Variants in ZAP70 observed in about 807,000 individuals in gnomAD.
The protein encoded by ZAP70 is zeta chain of T cell receptor associated protein kinase 70.
A neutral mutation model predicts 65.8 loss-of-function variants in ZAP70; 27 were observed. The ratio of observed to expected loss-of-function variants is 0.41; its 90% CI spans 0.30 to 0.57. ZAP70 has a LOEUF of 0.57. Ranked by LOEUF, ZAP70 falls within the 20% of genes least tolerant of loss-of-function variation. ZAP70 has a pLI of 0.28. For synonymous variants in ZAP70, 363 were observed against 360.8 expected, an observed-to-expected ratio of 1.01 and a Z score of -0.07; for missense variants, 696 against 870.5, an observed-to-expected ratio of 0.80 and a Z score of 2.52.
chr2:97,741,434 C>T (rs1379032240), downstream of ZAP70, among the ~76,000 whole-genome samples: 1 of 152,008 alleles, frequency 6.6e-6, no homozygotes, highest in East Asian at 1.9e-4. Flanking sequence ...GCTCCCCGTC[C>T]CCCGGGGTGA....
chr2:97,753,992 A>G, the ZAP70 span, among the ~76,000 whole-genome samples: 3 of 151,994 alleles, frequency 2.0e-5, no homozygotes, highest in Non-Finnish European at 4.4e-5. Flanking sequence ...CCAGTCTCAA[A>G]ATAAATAAAG....
chr2:97,740,047 G>A (rs1422065779), downstream of ZAP70, among the ~76,000 whole-genome samples: 1 of 152,136 alleles, frequency 6.6e-6, no homozygotes, highest in Non-Finnish European at 1.5e-5. Context: ...GGTGGAGTGG[G>A]GAACCTGAGG....
rs1251638648 is a variant in ZAP70 at position 97,736,552 on chromosome 2, T to A, written c.1290-921T>A. 1.3e-5 allele frequency among the ~76,000 whole-genome samples: 2 copies of A among 152,230 alleles called. No individual in the cohort carries two copies. Among genetic ancestry groups the A allele is most frequent in the South Asian group, 4.1e-4 (2 of 4,834 alleles). ...CTGGTTGGAGAAGAGAGACAGTAAG[T>A]AACAATCCTGATGAAATCTAGAGCA... is the stretch of plus-strand genomic sequence containing the variant. On this transcript the variant is annotated intron_variant, in intron 10 of 13. Transcript: ENST00000264972. The surrounding 1 kb of genome is among the most constrained non-coding windows in gnomAD (Gnocchi z 4.0).
chr2:97,728,462 G>A (rs1677476730), intron 4 of ZAP70, among the ~76,000 whole-genome samples: 1 of 152,228 alleles, frequency 6.6e-6, no homozygotes, highest in Admixed American at 6.5e-5. Context: ...GGTACGCTTT[G>A]GACAGAAACT....
At chr2:97,746,354 T>A in the ZAP70 span, among the ~76,000 whole-genome samples, 1 of 152,208 alleles carries the variant, frequency 6.6e-6, no homozygotes. Flanking sequence ...TAAAAATAGC[T>A]TAAAAAAACC....
chr2:97,733,797 G>A (rs1677725298), intron 8 of ZAP70: 1 of 660,130 alleles, frequency 1.5e-6, no homozygotes, highest in South Asian at 1.8e-5. Context: ...GTACTGACGT[G>A]CAGGGAGCAC....
chr2:97,717,441 C>T (rs1001053144), intron 2 of ZAP70, among the ~76,000 whole-genome samples: 2 of 146,844 alleles, frequency 1.4e-5, no homozygotes, highest in Admixed American at 6.8e-5. Flanking sequence ...CATGTGGAGC[C>T]TCTGGCTGGG....
chr2:97,735,078 C>G, intron 9 of ZAP70, 172 bp from the exon 10 acceptor site: 1 of 797,160 alleles, frequency 1.3e-6, no homozygotes, highest in Non-Finnish European at 2.0e-6. Context: ...GAGCCGTCCT[C>G]AGCAGACGCT....
the ZAP70 span, among the ~76,000 whole-genome samples, chr2:97,747,539 T>C: frequency 3.3e-5 from 5 of 152,076 alleles, no homozygotes; most frequent in African/African-American, 4.8e-5. Flanking sequence ...AGAAGGTAGA[T>C]AGTGGTTGCC....
At chr2:97,741,406 G>C (rs1678126222), downstream of ZAP70, among the ~76,000 whole-genome samples, 2 of 152,018 alleles carry the variant, frequency 1.3e-5, no homozygotes, top group Admixed American at 1.3e-4. Flanking sequence ...GTCCCCACCG[G>C]TGATGTCCCC....
chr2:97,747,362 ACGGAAG>A, the ZAP70 span, among the ~76,000 whole-genome samples: 1 of 152,260 alleles, frequency 6.6e-6, no homozygotes. Context: ...ATATACATAC[ACGGAAG>A]CCTTATTCAG....
chr2:97,743,700 C>A (rs923404073), downstream of ZAP70, among the ~76,000 whole-genome samples: 2 of 152,186 alleles, frequency 1.3e-5, no homozygotes, highest in Non-Finnish European at 2.9e-5. Context: ...ATATTTATTG[C>A]AAAATTCTTT....
In ZAP70 at chr2:97,735,333, T is replaced by C; in HGVS notation, c.1166T>C (p.Ile389Thr). ...DTEEMMREAQ[I>T]MHQLDNPYIV... ...GAAGAGATGATGCGCGAGGCGCAGATCATGCACCAGCTGGACAACCCCTAC... is the reference window on the plus strand; with the variant it reads ...GAAGAGATGATGCGCGAGGCGCAGACCATGCACCAGCTGGACAACCCCTAC... The change falls in exon 10 of 14, where the codon ATC becomes ACC. Residue 389 changes from isoleucine (I) to threonine (T), a missense_variant. Ile to Thr is a moderately conservative substitution (Grantham distance 89, BLOSUM62 -1). Coordinates refer to ENST00000264972, the MANE Select transcript of ZAP70 (RefSeq NM_001079.4). The C allele has an allele frequency of 2.5e-6, 4 of 1,614,140 alleles. No homozygotes were observed. The highest frequency in any genetic ancestry group is 2.2e-5 in the South Asian group (2 of 91,090).
the ZAP70 span, among the ~76,000 whole-genome samples, chr2:97,754,881 A>G: frequency 2.1e-3 from 316 of 152,344 alleles, 2 homozygotes; most frequent in Non-Finnish European, 3.3e-3. Context: ...GTCAGCCTAC[A>G]CACCATAGCT....
At chr2:97,738,639 A>G in intron 13 of ZAP70, 1 of 197,386 alleles carries the variant, frequency 5.1e-6, no homozygotes. Context: ...CAGGCAACAC[A>G]CCCCCAGACA....
At chr2:97,734,485 C>G (rs772485269) in intron 8 of ZAP70, 35 bp from the exon 9 acceptor site, 1 of 1,599,062 alleles carries the variant, frequency 6.3e-7, no homozygotes, top group East Asian at 2.3e-5. Flanking sequence ...ACACCCCTGC[C>G]CCTGACCTGG....
the ZAP70 span, among the ~76,000 whole-genome samples, chr2:97,755,701 C>T: frequency 6.6e-6 from 1 of 152,180 alleles, no homozygotes; most frequent in East Asian, 1.9e-4. Flanking sequence ...CCCCAGGCTG[C>T]CCGAGTCCCT....
In ZAP70 at chr2:97,725,320, G is replaced by A; in HGVS notation, c.563+68G>A. 2.5e-6 allele frequency: 4 copies of A among 1,588,900 alleles called. No homozygotes were observed. In the East Asian group the frequency reaches 6.7e-5, roughly 27 times the overall value. On this transcript the variant is annotated intron_variant, in intron 4 of 13. Coordinates refer to ENST00000264972, the MANE Select transcript of ZAP70 (RefSeq NM_001079.4). ...CGTTGGCAGGGATCCTGGGGACTGG[G>A]GCAGACGTGAGTGTGCAGTTGGGCC...
chr2:97,718,375 C>A (rs1416984283), intron 2 of ZAP70, among the ~76,000 whole-genome samples: 2 of 152,206 alleles, frequency 1.3e-5, no homozygotes, highest in Non-Finnish European at 2.9e-5. Flanking sequence ...CCGGACTTTT[C>A]ATCTCTGCCA....
Sources: allele counts gnomAD v4.1 joint callset (sites outside exome capture counted in the v4.1 genomes callset), GRCh38; gene constraint gnomAD v4.1.1; non-coding constraint Gnocchi (gnomAD v3.1); transcripts MANE v1.5; gene names NCBI Gene and HGNC (gene_info 2026-07-23, HGNC 2026-07-21).